The following SFXN5 variants were observed in gnomAD, a reference collection of about 807,000 sequenced individuals.
SFXN5 encodes sideroflexin 5.
A neutral mutation model predicts 50.2 loss-of-function variants in SFXN5; 43 were observed. The observed-to-expected ratio is 0.86, with a 90% CI of 0.67 to 1.11. SFXN5 has a LOEUF of 1.11. Ranked by LOEUF, SFXN5 falls within the 50% of genes least tolerant of loss-of-function variation. The pLI is 0.00. For synonymous variants in SFXN5, 203 were observed against 185.8 expected, an observed-to-expected ratio of 1.09 and a Z score of -0.75; for missense variants, 463 against 454.1, an observed-to-expected ratio of 1.02 and a Z score of -0.18.
rs114075141 is a variant in SFXN5 at position 73,033,034 on chromosome 2, G to A, written c.249+7820C>T. ...CAGCAGTTGCAACTTCCCTATACAC[G>A]CAGTTTGTTTCTATCCAGACCTGGG... On this transcript the variant is annotated intron_variant, in intron 3 of 13. Coordinates refer to ENST00000272433, the MANE Select transcript of SFXN5 (RefSeq NM_144579.3). 4.5e-3 allele frequency among the ~76,000 whole-genome samples: 680 copies of A among 152,196 alleles called. 9 individuals carry two copies. The highest frequency in any genetic ancestry group is 0.015 in the African/African-American group (612 of 41,504).
chr2:73,033,513 T>C (rs1678579389), intron 3 of SFXN5, among the ~76,000 whole-genome samples: 1 of 152,112 alleles, frequency 6.6e-6, no homozygotes, highest in Non-Finnish European at 1.5e-5. Context: ...ACTGAGGTGA[T>C]ATTGGAGGAA....
chr2:72,995,862 G>A (rs1197425006), intron 9 of SFXN5, among the ~76,000 whole-genome samples: 7 of 152,298 alleles, frequency 4.6e-5, no homozygotes, highest in Middle Eastern at 6.8e-3. Context: ...GCAAGCTGCC[G>A]ATTTTCCAAG....
intron 3 of SFXN5, among the ~76,000 whole-genome samples, chr2:73,028,983 G>C (rs933619672): frequency 6.6e-6 from 1 of 152,210 alleles, no homozygotes; most frequent in African/African-American, 2.4e-5. Context: ...CGTTGTAAGG[G>C]AGGGTTCCCT....
In SFXN5 at chr2:73,057,204, T is replaced by C. The variant is rs1388094407; in HGVS notation, c.171+1324A>G. Among the ~76,000 whole-genome samples the C allele has an allele frequency of 3.3e-5, 5 of 152,240 alleles. No homozygotes were observed. In the South Asian group the frequency reaches 6.2e-4, roughly 19 times the overall value. ...CTCAGGCTGGAGTGCAGTGGTACAATCATGGTTCACTGCAGCCTCAACTTC... is the reference window on the plus strand; with the variant it reads ...CTCAGGCTGGAGTGCAGTGGTACAACCATGGTTCACTGCAGCCTCAACTTC... On this transcript the variant is annotated intron_variant, in intron 2 of 13. Coordinates refer to ENST00000272433, the MANE Select transcript of SFXN5 (RefSeq NM_144579.3).
rs2105284738 is a variant in SFXN5 at position 72,942,707 on chromosome 2, C to T, written c.*2315G>A. On this transcript the variant is annotated 3_prime_UTR_variant, in exon 14 of 14. Transcript: ENST00000272433. ...CCTAGGCTATCTGGATCCTTTGCCA[C>T]TGCACCGCCACAGGAGCAGACCCCT... 1.3e-5 allele frequency: 2 copies of T among 152,450 alleles called. No individual in the cohort carries two copies. The highest frequency in any genetic ancestry group is 4.1e-4 in the South Asian group (2 of 4,830). The allele number at this position is 152,450 out of a possible 1,614,324, so 9.4% of individuals were successfully genotyped here.
chr2:73,030,879 C>T (rs758974885), intron 3 of SFXN5, among the ~76,000 whole-genome samples: 14 of 151,966 alleles, frequency 9.2e-5, no homozygotes, highest in Non-Finnish European at 2.1e-4. Flanking sequence ...TACAGAGGAA[C>T]CAACAATTAG....
chr2:72,978,895 G>A (rs934158713), intron 10 of SFXN5, among the ~76,000 whole-genome samples: 2 of 152,062 alleles, frequency 1.3e-5, no homozygotes, highest in Non-Finnish European at 2.9e-5. Context: ...TCTTACTCAT[G>A]TGCACATGAG....
chr2:72,954,519 C>G (rs1416759558), intron 13 of SFXN5, among the ~76,000 whole-genome samples: 1 of 152,172 alleles, frequency 6.6e-6, no homozygotes, highest in Admixed American at 6.5e-5. Context: ...GGGGCCCCTG[C>G]AACAGCTGAG....
Position 73,020,172 on chromosome 2 carries a change from A to G in SFXN5, c.357+67T>C, listed in dbSNP as rs374245326. 5.3e-5 allele frequency: 77 copies of G among 1,442,268 alleles called. No individual in the cohort carries two copies. The African/African-American group carries it at 1.1e-3, about 20-fold the overall frequency. 89.3% of individuals were successfully genotyped at this position (1,442,268 alleles called of 1,614,324 possible). On this transcript the variant is annotated intron_variant, in intron 6 of 13. Coordinates refer to ENST00000272433, the MANE Select transcript of SFXN5 (RefSeq NM_144579.3). ...ACAATTCAGTCAAATACCCGTGAGC[A>G]ATAACATAAAGTTAGACATTTAAAA...
intron 2 of SFXN5, among the ~76,000 whole-genome samples, chr2:73,044,057 C>T (rs1276722621): frequency 6.6e-6 from 1 of 152,180 alleles, no homozygotes; most frequent in Admixed American, 6.5e-5. Context: ...ACAATGAATG[C>T]TCTACTTTCC....
intron 1 of SFXN5, among the ~76,000 whole-genome samples, chr2:73,062,324 T>C (rs529967441): frequency 6.6e-6 from 1 of 151,892 alleles, no homozygotes; most frequent in African/African-American, 2.4e-5. Context: ...CTGGGTGGGG[T>C]AGAGCTGGGC....
intron 1 of SFXN5, among the ~76,000 whole-genome samples, chr2:73,061,381 T>C (rs1242272277): frequency 2.0e-5 from 3 of 151,618 alleles, no homozygotes; most frequent in Admixed American, 2.0e-4. Flanking sequence ...TTGTAAATAG[T>C]TGAAGAAAAA....
chr2:72,970,394 C>G (rs1675009114), intron 11 of SFXN5, among the ~76,000 whole-genome samples: 1 of 152,168 alleles, frequency 6.6e-6, no homozygotes, highest in Non-Finnish European at 1.5e-5. Context: ...ACCCCCAGCC[C>G]CTTGCCCTAA....
At chr2:72,990,352 G>A (rs907270806) in intron 9 of SFXN5, among the ~76,000 whole-genome samples, 8 of 152,156 alleles carry the variant, frequency 5.3e-5, no homozygotes, top group African/African-American at 1.9e-4. Context: ...GGGCTGGGGA[G>A]CTGCCGGCTC....
chr2:72,988,714 G>A (rs1359969969), intron 9 of SFXN5, among the ~76,000 whole-genome samples: 1 of 152,132 alleles, frequency 6.6e-6, no homozygotes, highest in Non-Finnish European at 1.5e-5. Flanking sequence ...CATACTCCAT[G>A]AATAAATGAA....
chr2:73,018,221 AAAGG>A (rs1204220828), intron 6 of SFXN5, among the ~76,000 whole-genome samples: 5 of 151,886 alleles, frequency 3.3e-5, no homozygotes, highest in East Asian at 1.9e-4. Flanking sequence ...AAAGAAAGAA[AAAGG>A]AAGGAAGGAA....
chr2:72,978,656 C>G (rs1439860284), intron 10 of SFXN5, among the ~76,000 whole-genome samples: 1 of 151,882 alleles, frequency 6.6e-6, no homozygotes, highest in Non-Finnish European at 1.5e-5. Flanking sequence ...AAATTCAGAC[C>G]CTGCAGGTTG....
At position 73,013,723 on chromosome 2, in the gene SFXN5, A is replaced by G. The variant is rs564613344; in HGVS notation, c.357+6516T>C. Among the ~76,000 whole-genome samples the G allele has an allele frequency of 6.6e-5, 10 of 152,222 alleles. No homozygotes were observed. In the East Asian group the frequency reaches 1.9e-3, roughly 29 times the overall value. ...ATGTATAAAATGAAATATTTCAAGG[A>G]TACAGAAAAGTCTAGAGGATAACGA... On this transcript the variant is annotated intron_variant, in intron 6 of 13. Coordinates refer to ENST00000272433, the MANE Select transcript of SFXN5 (RefSeq NM_144579.3).
chr2:72,994,298 T>G (rs1672954008), intron 9 of SFXN5, among the ~76,000 whole-genome samples: 1 of 152,202 alleles, frequency 6.6e-6, no homozygotes. Context: ...CTTTCCAGTC[T>G]GACTATCCAG....
Sources: allele counts gnomAD v4.1 joint callset (sites outside exome capture counted in the v4.1 genomes callset), GRCh38; gene constraint gnomAD v4.1.1; transcripts MANE v1.5; gene names NCBI Gene and HGNC (gene_info 2026-07-23, HGNC 2026-07-21).